Variants in RPSA2 observed in about 807,000 individuals in gnomAD.
RPSA2 encodes the protein small ribosomal subunit protein uS2B.
At chr19:23,866,236 G>A in the RPSA2 span, among the ~76,000 whole-genome samples, 1 of 152,208 alleles carries the variant, frequency 6.6e-6, no homozygotes, top group Non-Finnish European at 1.5e-5. Flanking sequence ...GATCACAGGA[G>A]CCTTATGCAC....
At chr19:23,841,750 C>T in the RPSA2 span, among the ~76,000 whole-genome samples, 1 of 152,178 alleles carries the variant, frequency 6.6e-6, no homozygotes, top group South Asian at 2.1e-4. Flanking sequence ...CTCCTGTTCA[C>T]CTGTCTGTGT....
chr19:23,825,179 C>A, the RPSA2 span, among the ~76,000 whole-genome samples: 7 of 152,134 alleles, frequency 4.6e-5, no homozygotes, highest in Non-Finnish European at 5.9e-5. Context: ...TGGGTTTCAC[C>A]ATGTTAGCCA....
chr19:23,837,257 A>G, the RPSA2 span, among the ~76,000 whole-genome samples: 5 of 151,500 alleles, frequency 3.3e-5, no homozygotes, highest in African/African-American at 4.8e-5. Flanking sequence ...TCCCCACTTT[A>G]TGTTTTTGTT....
the RPSA2 span, among the ~76,000 whole-genome samples, chr19:23,840,860 G>T: frequency 6.6e-6 from 1 of 151,236 alleles, no homozygotes; most frequent in Non-Finnish European, 1.5e-5. Flanking sequence ...TACTTGGGAG[G>T]CTGAGGCAGG....
At chr19:23,791,108 A>C in the RPSA2 span, among the ~76,000 whole-genome samples, 1 of 152,204 alleles carries the variant, frequency 6.6e-6, no homozygotes, top group East Asian at 1.9e-4. Flanking sequence ...AGGGTTATTA[A>C]AAATGTATGG....
the RPSA2 span, among the ~76,000 whole-genome samples, chr19:23,784,980 C>T: frequency 2.6e-5 from 4 of 152,318 alleles, no homozygotes; most frequent in Non-Finnish European, 4.4e-5. Context: ...AACGTGGACA[C>T]GTATGGAATT....
At chr19:23,806,067 C>T in the RPSA2 span, among the ~76,000 whole-genome samples, 4 of 74,760 alleles carry the variant, frequency 5.4e-5, no homozygotes, top group Non-Finnish European at 1.1e-4. Flanking sequence ...TTTTTTGAGA[C>T]GGAACCTCAC....
At chr19:23,834,029 A>G in the RPSA2 span, among the ~76,000 whole-genome samples, 1 of 152,100 alleles carries the variant, frequency 6.6e-6, no homozygotes, top group Admixed American at 6.5e-5. Flanking sequence ...TTGCAGGTGC[A>G]GTAAAGATGA....
the RPSA2 span, among the ~76,000 whole-genome samples, chr19:23,803,394 A>G: frequency 1.3e-5 from 2 of 151,350 alleles, no homozygotes; most frequent in African/African-American, 4.8e-5. Context: ...ATAGGGTCTT[A>G]ATTAAAAAAA....
the RPSA2 span, among the ~76,000 whole-genome samples, chr19:23,809,747 T>A: frequency 3.9e-5 from 6 of 152,072 alleles, no homozygotes; most frequent in South Asian, 4.1e-4. Flanking sequence ...TGTTTTTTTT[T>A]TATATATAAG....
At chr19:23,864,737 G>A in the RPSA2 span, among the ~76,000 whole-genome samples, 9 of 152,176 alleles carry the variant, frequency 5.9e-5, no homozygotes, top group East Asian at 3.9e-4. Context: ...CTAAATGCAC[G>A]CATATGCTTA....
chr19:23,758,637 G>A, the RPSA2 span: 2 of 1,553,282 alleles, frequency 1.3e-6, no homozygotes, highest in South Asian at 1.1e-5. Flanking sequence ...GACTGAGGCC[G>A]CCTGGGCGAG....
At chr19:23,824,580 C>CTTTTTTT in the RPSA2 span, among the ~76,000 whole-genome samples, 1 of 63,820 alleles carries the variant, frequency 1.6e-5, no homozygotes, top group African/African-American at 6.1e-5. Flanking sequence ...TATAGCATTT[C>CTTTTTTT]TTTTTTTTTT....
At chr19:23,823,129 T>C in the RPSA2 span, among the ~76,000 whole-genome samples, 2 of 152,304 alleles carry the variant, frequency 1.3e-5, no homozygotes, top group South Asian at 2.1e-4. Flanking sequence ...AAGAGGGCCA[T>C]TGTATTTCAC....
chr19:23,844,127 T>A, the RPSA2 span, among the ~76,000 whole-genome samples: 4 of 152,208 alleles, frequency 2.6e-5, no homozygotes, highest in African/African-American at 7.2e-5. Context: ...TGTTTTTGTT[T>A]GTAATTGCCT....
chr19:23,840,337 A>G, the RPSA2 span, among the ~76,000 whole-genome samples: 101 of 152,306 alleles, frequency 6.6e-4, no homozygotes, highest in African/African-American at 2.1e-3. Context: ...CTTCTTACAT[A>G]TCACAAATAG....
the RPSA2 span, among the ~76,000 whole-genome samples, chr19:23,866,085 C>A: frequency 1.1e-4 from 16 of 152,168 alleles, no homozygotes; most frequent in Non-Finnish European, 1.9e-4. Context: ...GAGCTGTGGC[C>A]CCTTTTCAGA....
At chr19:23,778,661 A>G in the RPSA2 span, among the ~76,000 whole-genome samples, 2 of 151,870 alleles carry the variant, frequency 1.3e-5, no homozygotes, top group East Asian at 1.9e-4. Context: ...CACACAAGTG[A>G]TGCGATTCTT....
At chr19:23,835,091 T>C in the RPSA2 span, among the ~76,000 whole-genome samples, 1 of 152,128 alleles carries the variant, frequency 6.6e-6, no homozygotes, top group African/African-American at 2.4e-5. Context: ...TAAGTTATTT[T>C]TAATGTACAA....
Sources: gnomAD v4.1 joint callset for allele counts (sites outside exome capture counted in the v4.1 genomes callset) on GRCh38, gnomAD v4.1.1 for gene constraint, MANE v1.5 for transcripts, NCBI Gene and HGNC (gene_info 2026-07-23, HGNC 2026-07-21) for gene names.